Variants in CFAP47 observed in about 807,000 individuals in gnomAD.
CFAP47 encodes the protein cilia- and flagella-associated protein 47.
In CFAP47, 29 loss-of-function variants were observed where a neutral mutation model predicts 148.1. That is an observed-to-expected ratio of 0.20 (90% CI 0.15 to 0.27). The LOEUF (loss-of-function observed/expected upper bound fraction) is 0.27. Ranked by LOEUF, CFAP47 falls within the 10% of genes least tolerant of loss-of-function variation. The pLI is 1.00. For synonymous variants in CFAP47, 664 were observed against 577.3 expected (o/e 1.15, Z -2.15); for missense variants, 1,872 against 1,697.5 (o/e 1.10, Z -1.81).
intron 39 of CFAP47, among the ~76,000 whole-genome samples, chrX:36,168,904 G>T (rs905480087): frequency 1.8e-5 from 2 of 111,782 alleles, no homozygotes; most frequent in Admixed American, 9.5e-5. Flanking sequence ...AATATTTCTT[G>T]TGCCACAGTT....
At chrX:36,326,006 T>G (rs1338052505) in intron 57 of CFAP47, among the ~76,000 whole-genome samples, 6 of 111,522 alleles carry the variant, frequency 5.4e-5, no homozygotes, top group Non-Finnish European at 9.4e-5. Flanking sequence ...TATACCAAAT[T>G]TTCCTAGCAG....
At chrX:36,301,032 TA>T in intron 52 of CFAP47, 39 bp from the exon 53 acceptor site, 1 of 870,310 alleles carries the variant, frequency 1.1e-6, no homozygotes, top group Non-Finnish European at 1.6e-6. Context: ...TTACACAAAC[TA>T]AAACTGCTGA....
chrX:36,071,353 A>C (rs1215850203), intron 27 of CFAP47, among the ~76,000 whole-genome samples: 1 of 112,297 alleles, frequency 8.9e-6, no homozygotes, highest in Non-Finnish European at 1.9e-5. Context: ...CGAGATTGAA[A>C]TCTGTACAAA....
At position 35,975,842 on chromosome X, in the gene CFAP47, G is replaced by A; in HGVS notation, c.2642G>A (p.Cys881Tyr). 1.7e-6 allele frequency: 2 copies of A among 1,208,238 alleles called. No individual in the cohort carries two copies. The stretch of plus-strand genomic sequence containing the variant: ...GTTAGATTGTATAATCGTCAGAATT[G>A]TTGTGCTCAGTTTCAATGGCAACCC... ...GTVRLYNRQN[C>Y]CAQFQWQPVN... Residue 881 changes from cysteine to tyrosine, a missense_variant, in exon 15 of 64, where the codon TGT becomes TAT. Physicochemically the swap from Cys to Tyr is radical, Grantham distance 194. Coordinates refer to ENST00000378653, the MANE Select transcript of CFAP47 (RefSeq NM_001304548.2).
intron 49 of CFAP47, among the ~76,000 whole-genome samples, chrX:36,271,122 G>A (rs1556001774): frequency 9.0e-6 from 1 of 111,591 alleles, no homozygotes. Flanking sequence ...AAAATTAGTG[G>A]AAGATTTTTT....
intron 58 of CFAP47, among the ~76,000 whole-genome samples, chrX:36,349,043 C>T (rs1379517016): frequency 8.1e-5 from 9 of 111,036 alleles, no homozygotes; most frequent in African/African-American, 2.9e-4. Flanking sequence ...TTGTAAGTCT[C>T]AGTGAAAAAT....
At chrX:35,972,044 T>G (rs1936501740) in intron 13 of CFAP47, 79 bp downstream of exon 13, 1 of 661,681 alleles carries the variant, frequency 1.5e-6, no homozygotes, top group South Asian at 3.1e-5. Flanking sequence ...TTATATTTCA[T>G]AAAATTTAAA....
At chrX:36,175,583 T>TG (rs1232517482) in intron 39 of CFAP47, among the ~76,000 whole-genome samples, 1 of 112,046 alleles carries the variant, frequency 8.9e-6, no homozygotes, top group Non-Finnish European at 1.9e-5. Flanking sequence ...CTGCCCCTGC[T>TG]GGGGTGGTGC....
chrX:36,300,490 C>T (rs1427544557), intron 52 of CFAP47, among the ~76,000 whole-genome samples: 1 of 110,658 alleles, frequency 9.0e-6, no homozygotes, highest in Non-Finnish European at 1.9e-5. Flanking sequence ...GGGGTTCCAC[C>T]ATATTGGCCA....
At chrX:36,254,086 C>T (rs1165080134) in intron 49 of CFAP47, among the ~76,000 whole-genome samples, 2 of 111,895 alleles carry the variant, frequency 1.8e-5, no homozygotes, top group Non-Finnish European at 3.8e-5. Flanking sequence ...CATAAATCAT[C>T]TCAATGAAGG....
intron 30 of CFAP47, 23 bp downstream of exon 30, chrX:36,085,561 A>G (rs758503401): frequency 2.0e-6 from 2 of 980,392 alleles, no homozygotes; most frequent in South Asian, 4.0e-5. Context: ...ATGTGCTCAT[A>G]TAAGCATATA....
intron 29 of CFAP47, among the ~76,000 whole-genome samples, chrX:36,083,041 A>G (rs1191743487): frequency 9.0e-6 from 1 of 111,205 alleles, no homozygotes; most frequent in Non-Finnish European, 1.9e-5. Context: ...TTCTAATTTC[A>G]TTAATCATAT....
chrX:36,304,617 A>G (rs1444646430), intron 54 of CFAP47, among the ~76,000 whole-genome samples: 4 of 110,645 alleles, frequency 3.6e-5, no homozygotes, highest in Non-Finnish European at 7.6e-5. Flanking sequence ...TTGTCATTAT[A>G]TGTTGCCAGG....
At chrX:36,050,820 T>C (rs1937516773) in intron 26 of CFAP47, among the ~76,000 whole-genome samples, 1 of 111,173 alleles carries the variant, frequency 9.0e-6, no homozygotes, top group African/African-American at 3.3e-5. Flanking sequence ...GAGGGAAAAA[T>C]GGTTTCCTGA....
rs182751555 is a variant in CFAP47 at position 36,075,720 on chromosome X, T to G, written c.4691+2356T>G. ...CTCCTTCTGTTAGTCCTGAGTGCCT[T>G]TTGTGGCCATCTTTTTGTTCATGAG... On this transcript the variant is annotated intron_variant, in intron 29 of 63. Transcript: ENST00000378653. Among the ~76,000 whole-genome samples the G allele has an allele frequency of 3.2e-4, 36 of 111,377 alleles. No individual in the cohort carries two copies. In the Middle Eastern group the frequency reaches 0.019, roughly 57 times the overall value.
chrX:36,066,773 A>G (rs1300543297), intron 27 of CFAP47, among the ~76,000 whole-genome samples: 3 of 112,026 alleles, frequency 2.7e-5, no homozygotes, highest in Admixed American at 1.9e-4. Context: ...CAGCAGGCTC[A>G]TTCCCAAAGA....
At chrX:36,169,688 A>C (rs749833329) in intron 39 of CFAP47, among the ~76,000 whole-genome samples, 1 of 111,305 alleles carries the variant, frequency 9.0e-6, no homozygotes, top group African/African-American at 3.3e-5. Flanking sequence ...CATATGCAGC[A>C]TTAAAGATCT....
chrX:35,948,586 A>G (rs1044817341), intron 4 of CFAP47, 134 bp downstream of exon 4: 5 of 496,258 alleles, frequency 1.0e-5, no homozygotes, highest in Non-Finnish European at 1.6e-5. Flanking sequence ...AGTCTCTACT[A>G]TTTGCCAAGC....
intron 39 of CFAP47, among the ~76,000 whole-genome samples, chrX:36,177,752 C>T (rs1939703269): frequency 8.9e-6 from 1 of 112,118 alleles, no homozygotes; most frequent in Non-Finnish European, 1.9e-5. Flanking sequence ...ATTAGTTCAG[C>T]CACTGTGGAA....
Sources: allele counts gnomAD v4.1 joint callset (sites outside exome capture counted in the v4.1 genomes callset), GRCh38; gene constraint gnomAD v4.1.1; transcripts MANE v1.5; gene names NCBI Gene and HGNC (gene_info 2026-07-23, HGNC 2026-07-21).